MYH6: variants seen among roughly 807,000 people sequenced by gnomAD.
The protein encoded by MYH6 is myosin heavy chain 6.
Under a neutral mutation model 223.2 loss-of-function variants are expected in MYH6, and 126 were observed. The observed-to-expected ratio is 0.56, with a 90% CI of 0.49 to 0.65. MYH6 has a LOEUF of 0.65. Among genes scored for constraint, MYH6 ranks in the 30% least tolerant of loss-of-function variants. The pLI, the probability that MYH6 is intolerant of heterozygous loss-of-function variation, is 0.00. For missense variants in MYH6, 2,040 were observed against 2,536.4 expected (o/e 0.80, Z 4.20); for synonymous variants, 978 against 1,010.2 (o/e 0.97, Z 0.61).
chr14:23,393,646 C>T lies in MYH6; in HGVS notation c.2928+20G>A, dbSNP rs1249092846. On this transcript the variant is annotated intron_variant, in intron 22 of 38. Coordinates refer to ENST00000405093, the MANE Select transcript of MYH6 (RefSeq NM_002471.4). ...AGTCTTGAGGAGACCTGGGCTGAAG[C>T]CAGAGGGAGCTGCCCTCACCTTGTT... 1 of 1,614,172 alleles carries T rather than the reference C, an allele frequency of 6.2e-7. No homozygotes were observed. Among genetic ancestry groups the T allele is most frequent in the African/African-American group, 1.3e-5 (1 of 75,046 alleles).
chr14:23,405,134 GA>G lies in MYH6; in HGVS notation c.503-8del. 1 of 1,614,028 alleles carries G rather than the reference GA, an allele frequency of 6.2e-7. No individual in the cohort carries two copies. Among genetic ancestry groups the G allele is most frequent in the South Asian group, 1.1e-5 (1 of 91,078 alleles). On this transcript the variant is annotated splice_region_variant and splice_polypyrimidine_tract_variant and intron_variant, in intron 5 of 38. Coordinates refer to ENST00000405093, the MANE Select transcript of MYH6 (RefSeq NM_002471.4). This position sits in a 1 kb window ranked among gnomAD's most constrained non-coding sequence, Gnocchi z 4.7. ...ATGGACTGGTTCTCCCGATCTGGAA[GA>G]AAAAAGAGGAGAAGCAATGGGGTCA...
At chr14:23,400,147 A>G in intron 14 of MYH6, 109 bp downstream of exon 14, 1 of 1,523,058 alleles carries the variant, frequency 6.6e-7, no homozygotes, top group Non-Finnish European at 9.1e-7. Flanking sequence ...GGCCTGGAGA[A>G]AGGCCTGGGA....
At chr14:23,396,231 G>T in intron 20 of MYH6, 53 bp downstream of exon 20, 1 of 1,612,396 alleles carries the variant, frequency 6.2e-7, no homozygotes. Context: ...AGTTGACATT[G>T]CGGATCTGCC....
rs1891832386 is a variant in MYH6, at chr14:23,407,705, G to A, written c.-46-97C>T. 12 of 909,740 alleles carry A rather than the reference G, an allele frequency of 1.3e-5. No homozygotes were observed. The highest frequency in any genetic ancestry group is 1.6e-5 in the Non-Finnish European group (12 of 740,912). The allele number at this position is 909,740 out of a possible 1,614,324, so 56.4% of individuals were successfully genotyped here. A position where few individuals can be genotyped will look rare whatever the true frequency, so the allele number is the denominator to read the frequency against. On this transcript the variant is annotated intron_variant, in intron 1 of 38. Coordinates refer to ENST00000405093, the MANE Select transcript of MYH6 (RefSeq NM_002471.4). This position sits in a 1 kb window ranked among gnomAD's most constrained non-coding sequence, Gnocchi z 5.6. ...AGAACAACAGAGGCAGGCCACCCGGGGATGGAGGCAGCCCCAGAGCGCAGA... is the reference window on the plus strand; with the variant it reads ...AGAACAACAGAGGCAGGCCACCCGGAGATGGAGGCAGCCCCAGAGCGCAGA...
rs1394731379 is a variant in MYH6, at chr14:23,397,065, G to A, written c.2066C>T (p.Pro689Leu). The A allele has an allele frequency of 6.2e-7, 1 of 1,614,204 alleles. No individual in the cohort carries two copies. The highest frequency in any genetic ancestry group is 8.5e-7 in the Non-Finnish European group (1 of 1,180,038). The change falls in exon 18 of 39, where the codon CCC becomes CTC. Residue 689 changes from proline (P) to leucine (L), a missense_variant. Transcript: ENST00000405093. ...GCAGCGCAGCTGGTGCATGACCAGG[G>A]GGTTGTCCATCACCCCTGTGTCAGG... ...ERKAPGVMDNPLVMHQLRCNG... is the reference protein window; with the variant it reads ...ERKAPGVMDNLLVMHQLRCNG...
rs199989693 is a variant in MYH6 at position 23,404,710 on chromosome 14, C to A, written c.642+1G>T. ...TGCCGAGCCTGTGTCCCCCATGGCACCTTGTTCGCATTGGCATTGTCCTTC... is the reference window on the plus strand; with the variant it reads ...TGCCGAGCCTGTGTCCCCCATGGCAACTTGTTCGCATTGGCATTGTCCTTC... On this transcript the variant is annotated splice_donor_variant, in intron 7 of 38. Transcript: ENST00000405093. LOFTEE classifies it high-confidence loss of function. 4.3e-6 allele frequency: 7 copies of A among 1,613,982 alleles called. No homozygotes were observed. The highest frequency in any genetic ancestry group is 5.9e-6 in the Non-Finnish European group (7 of 1,179,848).
chr14:23,385,175 G>T, intron 34 of MYH6, 134 bp from the exon 35 acceptor site: 6 of 1,045,314 alleles, frequency 5.7e-6, no homozygotes, highest in Non-Finnish European at 8.6e-6. Flanking sequence ...ACTATTGATC[G>T]TTTTGTACCT....
intron 28 of MYH6, 21 bp downstream of exon 28, chr14:23,389,372 A>C: frequency 1.2e-6 from 2 of 1,611,386 alleles, no homozygotes; most frequent in Non-Finnish European, 1.7e-6. Context: ...AAGCCTGCCC[A>C]CCCTCCCCAC....
rs144213133 is a variant in MYH6, at chr14:23,398,107, G to A, written c.1892-494C>T. On this transcript the variant is annotated intron_variant, in intron 15 of 38. Coordinates refer to ENST00000405093, the MANE Select transcript of MYH6 (RefSeq NM_002471.4). The stretch of plus-strand genomic sequence containing the variant: ...ATCTTGGCTCACTGCAACCTCCGTC[G>A]CCCGGATTCAAGCAACTTTCCTGCC... 2.9e-3 allele frequency among the ~76,000 whole-genome samples: 437 copies of A among 151,236 alleles called. 2 individuals carry two copies. The highest frequency in any genetic ancestry group is 4.8e-3 in the Non-Finnish European group (325 of 67,848).
chr14:23,403,725 G>A lies in MYH6; in HGVS notation c.789C>T (p.Asp263=), dbSNP rs1337476394. The change falls in exon 9 of 39, where the codon GAC becomes GAT. Residue 263 remains aspartate (D), a synonymous_variant. Coordinates refer to ENST00000405093, the MANE Select transcript of MYH6 (RefSeq NM_002471.4). ...CCTGCTGGTACTCACAGGTCTCTAT[G>A]TCTGCAGAAGCCAGCTTTCCAGTGG... ...FGATGKLASA[D]IETYLLEKSR... 2.5e-6 allele frequency: 4 copies of A among 1,612,884 alleles called. No individual in the cohort carries two copies. Among genetic ancestry groups the A allele is most frequent in the Non-Finnish European group, 2.5e-6 (3 of 1,179,434 alleles).
At chr14:23,406,769 G>A (rs1260657447) in intron 3 of MYH6, among the ~76,000 whole-genome samples, 1 of 152,178 alleles carries the variant, frequency 6.6e-6, no homozygotes, top group African/African-American at 2.4e-5. Context: ...ACCCCTCTTA[G>A]GCGAACACTG....
intron 15 of MYH6, among the ~76,000 whole-genome samples, chr14:23,397,910 T>TCTCCTC (rs1247030438): frequency 0.023 from 2,602 of 110,956 alleles, 177 homozygotes; most frequent in Middle Eastern, 0.042. Context: ...ACATTCTAGT[T>TCTCCTC]CTCCTCCTCC....
chr14:23,386,241 T>G lies in MYH6; in HGVS notation c.4959+74A>C, dbSNP rs113333835. The G allele has an allele frequency of 5.0e-5, 80 of 1,613,160 alleles. 1 individual carries two copies. The African/African-American group carries it at 8.8e-4, about 18-fold the overall frequency. ...CCAGGGGCAGGAGGAATCTGGTGCC[T>G]GTATCCAGACACCACTGCTTCTCCA... is the stretch of plus-strand genomic sequence containing the variant. On this transcript the variant is annotated intron_variant, in intron 33 of 38. Transcript: ENST00000405093.
At chr14:23,401,051 G>T in intron 12 of MYH6, 74 bp from the exon 13 acceptor site, 8 of 1,560,012 alleles carry the variant, frequency 5.1e-6, no homozygotes, top group Non-Finnish European at 6.9e-6. Flanking sequence ...CTGTCACCCA[G>T]GCTTGAGTGC....
chr14:23,383,022 C>T (rs2138579018), intron 37 of MYH6, among the ~76,000 whole-genome samples: 1 of 152,346 alleles, frequency 6.6e-6, no homozygotes, highest in African/African-American at 2.4e-5. Flanking sequence ...GTTATGGTAT[C>T]TGAATTGTAA....
At chr14:23,383,987 C>T (rs771184319) in intron 36 of MYH6, among the ~76,000 whole-genome samples, 1 of 152,078 alleles carries the variant, frequency 6.6e-6, no homozygotes, top group Non-Finnish European at 1.5e-5. Flanking sequence ...AATAACGGGC[C>T]AAGGGCACAG....
At chr14:23,388,529 A>T in intron 29 of MYH6, 191 bp from the exon 30 acceptor site, 1 of 977,616 alleles carries the variant, frequency 1.0e-6, no homozygotes, top group Non-Finnish European at 1.7e-6. Flanking sequence ...CCCTACCTGC[A>T]GTGGCATCTG....
intron 25 of MYH6, among the ~76,000 whole-genome samples, chr14:23,391,657 G>T (rs931112364): frequency 5.9e-5 from 9 of 152,186 alleles, no homozygotes; most frequent in African/African-American, 2.2e-4. Flanking sequence ...AGAGGACAAG[G>T]TCCCGCCCCA....
intron 20 of MYH6, among the ~76,000 whole-genome samples, chr14:23,395,228 G>A (rs1891357675): frequency 6.6e-6 from 1 of 152,196 alleles, no homozygotes; most frequent in Non-Finnish European, 1.5e-5. Flanking sequence ...TATAAAAATT[G>A]CATCATACTG....
Sources: gnomAD v4.1 joint callset for allele counts (sites outside exome capture counted in the v4.1 genomes callset) on GRCh38, gnomAD v4.1.1 for gene constraint, Gnocchi (gnomAD v3.1) non-coding constraint, MANE v1.5 for transcripts, NCBI Gene and HGNC (gene_info 2026-07-23, HGNC 2026-07-21) for gene names.